Variants in DMD observed in about 807,000 individuals in gnomAD.
The protein encoded by DMD is mutant dystrophin.
Under a neutral mutation model 330.1 loss-of-function variants are expected in DMD, and 63 were observed. The ratio of observed to expected loss-of-function variants is 0.19; its 90% CI spans 0.16 to 0.24. The LOEUF is 0.24. Ranked by LOEUF, DMD falls within the 10% of genes least tolerant of loss-of-function variation. The pLI is 1.00. For synonymous variants in DMD, 1,223 were observed against 959.8 expected (o/e 1.27, Z -5.07); for missense variants, 3,344 against 2,684.1 (o/e 1.25, Z -5.43).
At chrX:32,115,149 C>T (rs1008593163) in intron 44 of DMD, among the ~76,000 whole-genome samples, 11 of 111,398 alleles carry the variant, frequency 9.9e-5, no homozygotes, top group Non-Finnish European at 1.5e-4. Flanking sequence ...AGTCAATTCT[C>T]GGGCTCTTTT....
At chrX:33,190,876 TATAA>T (rs2050517160) in intron 1 of DMD, among the ~76,000 whole-genome samples, 12 of 1,174 alleles carry the variant, frequency 0.01, 1 homozygote, top group Admixed American at 0.044. Context: ...TATATATATA[TATAA>T]TATATAATAT....
chrX:32,948,113 G>GAC (rs3083093), intron 2 of DMD, among the ~76,000 whole-genome samples: 9,330 of 95,816 alleles, frequency 0.097, 392 homozygotes, highest in Non-Finnish European at 0.12. Flanking sequence ...GAGAGAAACA[G>GAC]ACACACACAC....
At chrX:31,386,287 A>G (rs916866903) in intron 60 of DMD, among the ~76,000 whole-genome samples, 24 of 111,441 alleles carry the variant, frequency 2.2e-4, no homozygotes, top group Non-Finnish European at 4.5e-4. Context: ...ATGACGAGTT[A>G]ATGGGTGCAG....
At chrX:32,824,065 G>A (rs190866179) in intron 4 of DMD, among the ~76,000 whole-genome samples, 1 of 111,897 alleles carries the variant, frequency 8.9e-6, no homozygotes, top group East Asian at 2.8e-4. Context: ...ATGTATCACT[G>A]CACATTTATC....
At chrX:33,124,476 G>GAAAAAA (rs56147804) in intron 1 of DMD, among the ~76,000 whole-genome samples, 9 of 16,132 alleles carry the variant, frequency 5.6e-4, no homozygotes, top group African/African-American at 2.2e-3. Flanking sequence ...GACTCTGTCT[G>GAAAAAA]AAAAAAAAAA....
At chrX:32,456,578 TTGTGTGTGTGTGTGTGTGTGTGTG>T (rs60876331) in intron 25 of DMD, among the ~76,000 whole-genome samples, 1 of 89,506 alleles carries the variant, frequency 1.1e-5, no homozygotes, top group South Asian at 6.4e-4. Context: ...CATACATACT[TTGTGTGTGTGTGTGTGTGTGTGTG>T]TGTGTGTGTG....
At chrX:31,375,609 A>T (rs1376359963) in intron 60 of DMD, among the ~76,000 whole-genome samples, 41 of 111,893 alleles carry the variant, frequency 3.7e-4, no homozygotes, top group Non-Finnish European at 9.4e-5. Context: ...AGCCAGTCCA[A>T]AAAGGAACAA....
chrX:32,610,570 T>C (rs2057089185), intron 12 of DMD, among the ~76,000 whole-genome samples: 1 of 111,091 alleles, frequency 9.0e-6, no homozygotes, highest in African/African-American at 3.3e-5. Flanking sequence ...TTGCAAACAT[T>C]TTAATCTTGC....
chrX:32,514,515 G>T (rs911290582), intron 18 of DMD, among the ~76,000 whole-genome samples: 3 of 111,942 alleles, frequency 2.7e-5, no homozygotes, highest in Non-Finnish European at 5.7e-5. Context: ...GCCGAGGCGG[G>T]CGGATCACGA....
chrX:32,722,670 C>G (rs1429508492), intron 7 of DMD, among the ~76,000 whole-genome samples: 2 of 110,812 alleles, frequency 1.8e-5, no homozygotes, highest in African/African-American at 6.5e-5. Flanking sequence ...TTTTCACTTT[C>G]TTCTTTAAAT....
At chrX:32,110,681 A>G (rs1304780125) in intron 44 of DMD, among the ~76,000 whole-genome samples, 1 of 109,970 alleles carries the variant, frequency 9.1e-6, no homozygotes. Flanking sequence ...CACTAGGGGG[A>G]AAAAAAAAGC....
chrX:32,531,839 C>T (rs942595849), intron 17 of DMD, among the ~76,000 whole-genome samples: 15 of 111,485 alleles, frequency 1.3e-4, no homozygotes, highest in Non-Finnish European at 2.1e-4. Flanking sequence ...TTTGACTACG[C>T]TATCTTGGAT....
At chrX:31,699,724 C>T (rs1260747580) in intron 52 of DMD, among the ~76,000 whole-genome samples, 2 of 111,425 alleles carry the variant, frequency 1.8e-5, no homozygotes, top group Admixed American at 1.9e-4. Context: ...GTAAAGGGAA[C>T]CGATGTCACC....
chrX:32,801,884 C>G (rs1351491151), intron 7 of DMD, among the ~76,000 whole-genome samples: 1 of 111,533 alleles, frequency 9.0e-6, no homozygotes, highest in Non-Finnish European at 1.9e-5. Flanking sequence ...GTTCTGGTAC[C>G]AGTATCATGC....
intron 2 of DMD, among the ~76,000 whole-genome samples, chrX:32,864,946 A>C (rs1450007943): frequency 1.8e-5 from 2 of 112,080 alleles, no homozygotes; most frequent in Non-Finnish European, 3.8e-5. Flanking sequence ...ATTTCTTAAG[A>C]TCCACTGAAA....
intron 1 of DMD, among the ~76,000 whole-genome samples, chrX:33,241,944 T>C (rs906549851): frequency 9.0e-6 from 1 of 110,827 alleles, no homozygotes; most frequent in Non-Finnish European, 1.9e-5. Context: ...GTATTTTTAG[T>C]AGAGACAGGG....
intron 73 of DMD, 49 bp downstream of exon 73, chrX:31,172,299 A>G: frequency 4.3e-6 from 4 of 933,048 alleles, no homozygotes; most frequent in Non-Finnish European, 4.7e-6. Flanking sequence ...AATCCCTCAA[A>G]GCAATTTCAT....
At chrX:32,875,686 T>A (rs761288079) in intron 2 of DMD, among the ~76,000 whole-genome samples, 2 of 112,198 alleles carry the variant, frequency 1.8e-5, no homozygotes, top group East Asian at 2.8e-4. Context: ...GAAAACCGAA[T>A]GGTCTTTTCT....
At chrX:31,664,112 A>G (rs1396979128) in intron 53 of DMD, among the ~76,000 whole-genome samples, 5 of 111,497 alleles carry the variant, frequency 4.5e-5, no homozygotes, top group African/African-American at 1.6e-4. Context: ...GTGGGATATT[A>G]CTAGAAGTAA....
Sources: allele counts gnomAD v4.1 joint callset (sites outside exome capture counted in the v4.1 genomes callset), GRCh38; gene constraint gnomAD v4.1.1; transcripts MANE v1.5; gene names NCBI Gene and HGNC (gene_info 2026-07-23, HGNC 2026-07-21).